Variants in DMP1 observed in about 807,000 individuals in gnomAD.
DMP1 encodes the protein dentin matrix protein 1.
In DMP1, 20 loss-of-function variants were observed where a neutral mutation model predicts 14.6. The observed-to-expected ratio is 1.37, with a 90% confidence interval of 0.96 to 1.99. The LOEUF is 1.99. DMP1 is among the 30% of genes most tolerant of loss of function. DMP1 has a pLI of 0.00. For missense variants in DMP1, 567 were observed against 620.5 expected (o/e 0.91, Z 0.92); for synonymous variants, 197 against 215.3 (o/e 0.91, Z 0.75).
In DMP1 at chr4:87,662,275, G is replaced by C. The variant is rs1391838022; in HGVS notation, c.497G>C (p.Arg166Thr). ...DSAQDTTSES[R>T]ELDNEDRVDS... ...GCCCAAGATACCACCAGTGAGAGCA[G>C]GGAACTTGACAATGAGGACCGGGTG... is the stretch of plus-strand genomic sequence containing the variant. Residue 166 changes from arginine (R) to threonine (T), a missense_variant, in exon 6 of 6, where the codon AGG (arginine) becomes ACG (threonine). Coordinates refer to ENST00000339673, the MANE Select transcript of DMP1 (RefSeq NM_004407.4). The C allele has an allele frequency of 6.2e-7, 1 of 1,614,142 alleles. No individual in the cohort carries two copies.
Position 87,662,181 on chromosome 4 carries a change from G to A in DMP1, c.403G>A (p.Gly135Arg). Residue 135 changes from glycine to arginine, a missense_variant, in exon 6 of 6, where the codon GGA (glycine) becomes AGA (arginine). Coordinates refer to ENST00000339673, the MANE Select transcript of DMP1 (RefSeq NM_004407.4). ...DRQEGGNSRL[G>R]SDEDSDDTIQ... ...ACAAGAAGGAGGAAACTCCAGACTG[G>A]GAAGTGATGAGGACTCTGATGACAC... 6 of 1,614,210 alleles carry A rather than the reference G, an allele frequency of 3.7e-6. No homozygotes were observed. The highest frequency in any genetic ancestry group is 5.1e-6 in the Non-Finnish European group (6 of 1,180,052).
intron 5 of DMP1, 131 bp downstream of exon 5, chr4:87,659,609 C>G (rs1193004722): frequency 1.1e-6 from 1 of 901,448 alleles, no homozygotes; most frequent in Non-Finnish European, 1.8e-6. Context: ...CTAAAGAGTC[C>G]TATAAAGTAA....
At chr4:87,660,743 C>A (rs1433636264) in intron 5 of DMP1, 1 of 152,180 alleles carries the variant, frequency 6.6e-6, no homozygotes, top group East Asian at 1.9e-4. Flanking sequence ...CCTTGTTGGT[C>A]ACACTAGTTG....
At position 87,663,480 on chromosome 4, in the gene DMP1, G is replaced by A. The variant is rs2110018032; in HGVS notation, c.*160G>A. The A allele has an allele frequency of 1.9e-6, 2 of 1,078,488 alleles. No homozygotes were observed. Among genetic ancestry groups the A allele is most frequent in the Non-Finnish European group, 1.4e-6 (1 of 736,940 alleles). The allele number at this position is 1,078,488 out of a possible 1,614,324, so 66.8% of individuals were successfully genotyped here. ...TGGACATTACACTTGTTTTTAGGGT[G>A]TCATCATTTCACAGAGGTTTAAATA... On this transcript the variant is annotated 3_prime_UTR_variant, in exon 6 of 6. Transcript: ENST00000339673.
In DMP1 at chr4:87,663,656, G is replaced by A. The variant is rs140415850; in HGVS notation, c.*336G>A. 7.8e-6 allele frequency: 3 copies of A among 382,280 alleles called. No individual in the cohort carries two copies. Among genetic ancestry groups the A allele is most frequent in the Non-Finnish European group, 1.5e-5 (3 of 201,930 alleles). The allele number at this position is 382,280 out of a possible 1,614,324, so 23.7% of individuals were successfully genotyped here. A position where few individuals can be genotyped will look rare whatever the true frequency, so the allele number is the denominator to read the frequency against. On this transcript the variant is annotated 3_prime_UTR_variant, in exon 6 of 6. Transcript: ENST00000339673. ...TATACCAGGCACTATGCTAGGTGTT[G>A]AGAATGTAAAGCAGGTTAAGACTTG...
chr4:87,662,224 A>G lies in DMP1; in HGVS notation c.446A>G (p.Glu149Gly). 3 of 1,614,224 alleles carry G rather than the reference A, an allele frequency of 1.9e-6. No individual in the cohort carries two copies. The South Asian group carries it at 3.3e-5, about 18-fold the overall frequency. Residue 149 changes from glutamate to glycine, a missense_variant, in exon 6 of 6, where the codon GAG becomes GGG. Coordinates refer to ENST00000339673, the MANE Select transcript of DMP1 (RefSeq NM_004407.4). ...GATGACACCATACAAGCCAGTGAAG[A>G]GAGTGCCCCACAAGGGCAAGACAGT... ...DSDDTIQASE[E>G]SAPQGQDSAQ...
At chr4:87,658,193 G>A (rs972811479) in intron 3 of DMP1, among the ~76,000 whole-genome samples, 1 of 152,206 alleles carries the variant, frequency 6.6e-6, no homozygotes, top group African/African-American at 2.4e-5. Flanking sequence ...CTGCAGTGTT[G>A]CAGGCCAAAG....
In DMP1 at chr4:87,662,630, C is replaced by T. The variant is rs1408011205; in HGVS notation, c.852C>T (p.Asp284=). ...SEEDDRSELD[D]NNTMEEVKSD... is the part of the protein sequence containing the mutation. ...AAGATGACAGAAGCGAGCTTGATGA[C>T]AACAACACAATGGAAGAAGTCAAGA... The change falls in exon 6 of 6, where the codon GAC becomes GAT. Residue 284 remains aspartate, a synonymous_variant. Transcript: ENST00000339673. The T allele has an allele frequency of 1.3e-5, 21 of 1,613,916 alleles. No homozygotes were observed. In the Admixed American group the frequency reaches 3.5e-4, roughly 27 times the overall value.
At chr4:87,659,172 T>A (rs767340173) in intron 3 of DMP1, 48 bp from the exon 4 acceptor site, 1 of 1,588,658 alleles carries the variant, frequency 6.3e-7, no homozygotes, top group South Asian at 1.1e-5. Flanking sequence ...AATAATGAAA[T>A]CCATCTGTGA....
In DMP1 at chr4:87,659,203, C is replaced by T. The variant is rs1431336571; in HGVS notation, c.103-17C>T. On this transcript the variant is annotated splice_polypyrimidine_tract_variant and intron_variant, in intron 3 of 5. Coordinates refer to ENST00000339673, the MANE Select transcript of DMP1 (RefSeq NM_004407.4). Reference sequence around the variant, plus strand: ...TGTGAGGGAGTAATTTGTTTTCCTTCCTTTCCTTTTTTGCAGGGTCATTTG... The same window carrying T: ...TGTGAGGGAGTAATTTGTTTTCCTTTCTTTCCTTTTTTGCAGGGTCATTTG... 2 of 1,613,702 alleles carry T rather than the reference C, an allele frequency of 1.2e-6. No individual in the cohort carries two copies. Among genetic ancestry groups the T allele is most frequent in the East Asian group, 4.5e-5 (2 of 44,854 alleles).
rs144773084 is a variant in DMP1 at position 87,662,041 on chromosome 4, C to T, written c.263C>T (p.Ala88Val). 221 of 1,614,194 alleles carry T rather than the reference C, an allele frequency of 1.4e-4. No homozygotes were observed. In the African/African-American group the frequency reaches 2.8e-3, roughly 20 times the overall value. Residue 88 changes from alanine to valine, a missense_variant, in exon 6 of 6, where the codon GCT (alanine) becomes GTT (valine). Physicochemically the swap from Ala to Val is moderately conservative, Grantham distance 64. Coordinates refer to ENST00000339673, the MANE Select transcript of DMP1 (RefSeq NM_004407.4). ...GATCATCAATACATTTATAGGCTAGCTGGTGGCTTCTCCAGGAGCACAGGA... is the reference window on the plus strand; with the variant it reads ...GATCATCAATACATTTATAGGCTAGTTGGTGGCTTCTCCAGGAGCACAGGA... ...SDDHQYIYRL[A>V]GGFSRSTGKG...
intron 3 of DMP1, among the ~76,000 whole-genome samples, chr4:87,657,767 G>A (rs754838419): frequency 9.2e-5 from 14 of 152,272 alleles, no homozygotes; most frequent in African/African-American, 3.4e-4. Context: ...GAAGGAGCCA[G>A]GTCTAAGAGG....
chr4:87,660,130 G>A (rs1028954433), intron 5 of DMP1, among the ~76,000 whole-genome samples: 1 of 152,214 alleles, frequency 6.6e-6, no homozygotes, highest in Non-Finnish European at 1.5e-5. Context: ...GAGTCCAGGA[G>A]CCAGGTTTCT....
Position 87,663,398 on chromosome 4 carries a change from A to C in DMP1, c.*78A>C. 1 of 1,603,094 alleles carries C rather than the reference A, an allele frequency of 6.2e-7. No individual in the cohort carries two copies. The highest frequency in any genetic ancestry group is 8.5e-7 in the Non-Finnish European group (1 of 1,171,766). ...AAATGTATCATGATAACTATAATTT[A>C]TTGATGTTTTGATCAAAAGAATAAC... On this transcript the variant is annotated 3_prime_UTR_variant, in exon 6 of 6. Coordinates refer to ENST00000339673, the MANE Select transcript of DMP1 (RefSeq NM_004407.4).
At chr4:87,661,254 G>GCT (rs796733496) in intron 5 of DMP1, among the ~76,000 whole-genome samples, 1 of 118,752 alleles carries the variant, frequency 8.4e-6, no homozygotes, top group African/African-American at 3.3e-5. Context: ...ACGGAGTCTC[G>GCT]CTGTCGCCCA....
chr4:87,651,658 T>C (rs146999703), intron 1 of DMP1, among the ~76,000 whole-genome samples: 109 of 152,248 alleles, frequency 7.2e-4, no homozygotes, highest in Non-Finnish European at 1.4e-3. Flanking sequence ...ACCAAAATAT[T>C]AGAGTTTCTT....
intron 1 of DMP1, among the ~76,000 whole-genome samples, chr4:87,650,768 T>C (rs1010475440): frequency 1.3e-5 from 2 of 152,044 alleles, no homozygotes; most frequent in Non-Finnish European, 2.9e-5. Flanking sequence ...ACCTACAAGA[T>C]TGTGAAAAAA....
intron 1 of DMP1, 29 bp from the exon 2 acceptor site, chr4:87,656,443 G>T: frequency 7.8e-7 from 1 of 1,283,252 alleles, no homozygotes; most frequent in South Asian, 1.2e-5. Flanking sequence ...CTTTAACATG[G>T]AGAGAAACAT....
At chr4:87,650,784 A>G (rs1042385969) in intron 1 of DMP1, among the ~76,000 whole-genome samples, 3 of 152,174 alleles carry the variant, frequency 2.0e-5, no homozygotes, top group Non-Finnish European at 2.9e-5. Flanking sequence ...AAAAAAAGCT[A>G]AACTTATTGA....
Sources: allele counts gnomAD v4.1 joint callset (sites outside exome capture counted in the v4.1 genomes callset), GRCh38; gene constraint gnomAD v4.1.1; transcripts MANE v1.5; gene names NCBI Gene and HGNC (gene_info 2026-07-23, HGNC 2026-07-21).